HS6ST3: variants seen among roughly 807,000 people sequenced by gnomAD.
The protein encoded by HS6ST3 is heparan-sulfate 6-O-sulfotransferase 3.
In HS6ST3, 12 loss-of-function variants were observed where a neutral mutation model predicts 36.7. The ratio of observed to expected loss-of-function variants is 0.33; its 90% CI spans 0.21 to 0.53. The LOEUF (loss-of-function observed/expected upper bound fraction) is 0.53, where lower values mean the gene tolerates loss of function less well. Among genes scored for constraint, HS6ST3 ranks in the 20% least tolerant of loss-of-function variants. HS6ST3 has a pLI of 0.95. For synonymous variants in HS6ST3, 240 were observed against 257.5 expected, an observed-to-expected ratio of 0.93 and a Z score of 0.65; for missense variants, 584 against 640.9, an observed-to-expected ratio of 0.91 and a Z score of 0.96.
intron 1 of HS6ST3, among the ~76,000 whole-genome samples, chr13:96,565,761 A>C (rs1026113936): frequency 6.6e-6 from 1 of 152,128 alleles, no homozygotes; most frequent in African/African-American, 2.4e-5. Context: ...TGATCACTTC[A>C]AGCTCAGCAG....
chr13:96,831,056 C>A (rs983303046), intron 1 of HS6ST3, among the ~76,000 whole-genome samples: 2 of 152,146 alleles, frequency 1.3e-5, no homozygotes, highest in African/African-American at 4.8e-5. Flanking sequence ...CATTGGTAGG[C>A]TTCTCAAATC....
At chr13:96,276,072 C>T (rs947801034) in intron 1 of HS6ST3, among the ~76,000 whole-genome samples, 1 of 151,886 alleles carries the variant, frequency 6.6e-6, no homozygotes, top group Non-Finnish European at 1.5e-5. Flanking sequence ...TCATGCCTTG[C>T]CATTCCCAGC....
chr13:96,539,064 C>G (rs1250388208), intron 1 of HS6ST3, among the ~76,000 whole-genome samples: 1 of 151,928 alleles, frequency 6.6e-6, no homozygotes, highest in Non-Finnish European at 1.5e-5. Context: ...CCCAGGGTTT[C>G]TCAGGGAAGT....
At chr13:96,229,717 A>G (rs2054498661) in intron 1 of HS6ST3, among the ~76,000 whole-genome samples, 1 of 152,216 alleles carries the variant, frequency 6.6e-6, no homozygotes, top group Non-Finnish European at 1.5e-5. Flanking sequence ...ATGGGTATTG[A>G]GGATATAAAT....
At chr13:96,174,892 G>C (rs2054205312) in intron 1 of HS6ST3, among the ~76,000 whole-genome samples, 1 of 152,076 alleles carries the variant, frequency 6.6e-6, no homozygotes, top group Non-Finnish European at 1.5e-5. Context: ...CATGGCTTTT[G>C]GGTACAACTT....
intron 1 of HS6ST3, among the ~76,000 whole-genome samples, chr13:96,696,450 G>A (rs1297178487): frequency 3.9e-5 from 6 of 152,164 alleles, no homozygotes; most frequent in South Asian, 2.1e-4. Flanking sequence ...ACTGACCATC[G>A]CACTTCAAAA....
rs188189515 is a variant in HS6ST3 at position 96,458,856 on chromosome 13, C to G, written c.707+367287C>G. Among the ~76,000 whole-genome samples the G allele has an allele frequency of 3.7e-4, 56 of 152,108 alleles. No individual in the cohort carries two copies. In the East Asian group the frequency reaches 0.01, roughly 28 times the overall value. ...GTGGCTCACGCCTATAATCCCAGCA[C>G]TTTGGGAGGCCAATGGGGGTGTGGA... On this transcript the variant is annotated intron_variant, in intron 1 of 1. Coordinates refer to ENST00000376705, the MANE Select transcript of HS6ST3 (RefSeq NM_153456.4).
intron 1 of HS6ST3, among the ~76,000 whole-genome samples, chr13:96,758,030 A>C (rs895049254): frequency 6.6e-6 from 1 of 152,078 alleles, no homozygotes; most frequent in African/African-American, 2.4e-5. Context: ...TTTCTGCCTT[A>C]AATTATAGAA....
intron 1 of HS6ST3, among the ~76,000 whole-genome samples, chr13:96,318,229 C>T (rs567544952): frequency 1.5e-4 from 23 of 152,162 alleles, no homozygotes; most frequent in South Asian, 4.2e-4. Context: ...TTTTTGTATA[C>T]GGTGAAAGAT....
chr13:96,376,307 C>T lies in HS6ST3; in HGVS notation c.707+284738C>T, dbSNP rs185874218. Among the ~76,000 whole-genome samples the T allele has an allele frequency of 3.9e-3, 587 of 152,262 alleles. 4 individuals are homozygous for T. The highest frequency in any genetic ancestry group is 5.1e-3 in the Non-Finnish European group (347 of 68,010). ...GTGCTTTTGGATTATGAACTACAGA[C>T]GCTAATCTGTTACCATAAACCCCAT... is the stretch of plus-strand genomic sequence containing the variant. On this transcript the variant is annotated intron_variant, in intron 1 of 1. Transcript: ENST00000376705.
chr13:96,298,059 G>T (rs16953072), intron 1 of HS6ST3, among the ~76,000 whole-genome samples: 2,200 of 152,144 alleles, frequency 0.014, 27 homozygotes, highest in East Asian at 0.054. Context: ...GCTCTTCCAT[G>T]AATGAATTCT....
At chr13:96,738,703 G>A (rs1432832237) in intron 1 of HS6ST3, among the ~76,000 whole-genome samples, 1 of 152,098 alleles carries the variant, frequency 6.6e-6, no homozygotes, top group Admixed American at 6.6e-5. Context: ...GTGTAGCAAT[G>A]TATCATATGT....
At chr13:96,405,282 A>G (rs1027118110) in intron 1 of HS6ST3, among the ~76,000 whole-genome samples, 1 of 152,202 alleles carries the variant, frequency 6.6e-6, no homozygotes. Context: ...AATATTTGAG[A>G]ACTTAGTTCA....
chr13:96,274,555 CAT>C (rs1011011773), intron 1 of HS6ST3, among the ~76,000 whole-genome samples: 6 of 152,030 alleles, frequency 3.9e-5, no homozygotes, highest in African/African-American at 1.5e-4. Flanking sequence ...AATTTGGAAA[CAT>C]GTATAACATT....
intron 1 of HS6ST3, among the ~76,000 whole-genome samples, chr13:96,159,953 A>G (rs1044496086): frequency 6.6e-6 from 1 of 152,088 alleles, no homozygotes; most frequent in Non-Finnish European, 1.5e-5. Context: ...TGGATGTATG[A>G]CTTCATCTCG....
At chr13:96,575,792 G>C (rs1337910191) in intron 1 of HS6ST3, among the ~76,000 whole-genome samples, 1 of 152,134 alleles carries the variant, frequency 6.6e-6, no homozygotes, top group Non-Finnish European at 1.5e-5. Context: ...TCACTTGTTT[G>C]GTGGCAAAGT....
intron 1 of HS6ST3, among the ~76,000 whole-genome samples, chr13:96,327,448 A>G (rs2055038971): frequency 6.6e-6 from 1 of 151,894 alleles, no homozygotes; most frequent in South Asian, 2.1e-4. Flanking sequence ...TCCTTTCCCC[A>G]TTGCTTGTTT....
chr13:96,290,217 C>T (rs1451576647), intron 1 of HS6ST3, among the ~76,000 whole-genome samples: 4 of 151,994 alleles, frequency 2.6e-5, no homozygotes, highest in Non-Finnish European at 1.5e-5. Flanking sequence ...AGAAGTGGCC[C>T]AGAAACTGAG....
chr13:96,380,197 G>A (rs999351961), intron 1 of HS6ST3, among the ~76,000 whole-genome samples: 1 of 151,360 alleles, frequency 6.6e-6, no homozygotes, highest in Non-Finnish European at 1.5e-5. Flanking sequence ...GTGCTTGCAT[G>A]TGCTCATGTG....
Sources: gnomAD v4.1 joint callset for allele counts (sites outside exome capture counted in the v4.1 genomes callset) on GRCh38, gnomAD v4.1.1 for gene constraint, MANE v1.5 for transcripts, NCBI Gene and HGNC (gene_info 2026-07-23, HGNC 2026-07-21) for gene names.